CSMD3: variants seen among roughly 807,000 people sequenced by gnomAD.
CSMD3 encodes CUB and sushi domain-containing protein 3.
CSMD3 carries 177 observed loss-of-function variants against 435.2 expected under a neutral mutation model. That is an observed-to-expected ratio of 0.41 (90% CI 0.36 to 0.46). The LOEUF is 0.46. Ranked by LOEUF, CSMD3 falls within the 20% of genes least tolerant of loss-of-function variation. CSMD3 has a pLI of 0.34. For missense variants in CSMD3, 4,265 were observed against 4,504.6 expected, an observed-to-expected ratio of 0.95 and a Z score of 1.52; for synonymous variants, 1,656 against 1,520.5, an observed-to-expected ratio of 1.09 and a Z score of -2.07.
chr8:112,685,386 A>C lies in CSMD3; in HGVS notation c.2482+20T>G. The C allele has an allele frequency of 6.3e-7, 1 of 1,597,866 alleles. No homozygotes were observed. The highest frequency in any genetic ancestry group is 8.6e-7 in the Non-Finnish European group (1 of 1,165,980). On this transcript the variant is annotated intron_variant, in intron 15 of 70. Coordinates refer to ENST00000297405, the MANE Select transcript of CSMD3 (RefSeq NM_198123.2). ...TATAGAAATATATTATATGGGAAAA[A>C]AACAGAAACAGAAACTTACTGTTGT...
At chr8:112,624,624 A>G (rs1834337719) in intron 22 of CSMD3, among the ~76,000 whole-genome samples, 1 of 152,022 alleles carries the variant, frequency 6.6e-6, no homozygotes, top group East Asian at 1.9e-4. Flanking sequence ...ACTACCTACT[A>G]AGATTATTGC....
chr8:112,347,921 T>A (rs1825812564), intron 40 of CSMD3, among the ~76,000 whole-genome samples: 1 of 152,246 alleles, frequency 6.6e-6, no homozygotes, highest in South Asian at 2.1e-4. Flanking sequence ...CAATTTCAAG[T>A]CTTTGAGCTG....
At chr8:112,257,338 A>T (rs1029668704) in intron 61 of CSMD3, among the ~76,000 whole-genome samples, 1 of 152,188 alleles carries the variant, frequency 6.6e-6, no homozygotes, top group Non-Finnish European at 1.5e-5. Flanking sequence ...AGGAAGTCAA[A>T]TTGTCTCTGT....
intron 1 of CSMD3, among the ~76,000 whole-genome samples, chr8:113,388,902 T>C (rs1213047299): frequency 6.6e-6 from 1 of 151,562 alleles, no homozygotes; most frequent in Non-Finnish European, 1.5e-5. Context: ...TAAAGCACCA[T>C]GGGAATAATT....
chr8:113,288,891 G>A (rs1265302318), intron 2 of CSMD3, among the ~76,000 whole-genome samples: 3 of 151,752 alleles, frequency 2.0e-5, no homozygotes, highest in Non-Finnish European at 4.4e-5. Context: ...AGATTTAATT[G>A]GGATAATGCT....
At chr8:113,162,583 A>C (rs538243774) in intron 4 of CSMD3, among the ~76,000 whole-genome samples, 61 of 151,872 alleles carry the variant, frequency 4.0e-4, no homozygotes, top group African/African-American at 1.3e-3. Flanking sequence ...AAAAAAAAAA[A>C]AAAAAAAAAA....
rs180886359 is a variant in CSMD3 at position 112,303,006 on chromosome 8, A to G, written c.8267-1040T>C. ...CATTCCCTCATTCTTACCTGTAGGC[A>G]GTAACCCAACCTTATTCATCCTTTA... On this transcript the variant is annotated intron_variant, in intron 52 of 70. Coordinates refer to ENST00000297405, the MANE Select transcript of CSMD3 (RefSeq NM_198123.2). Among the ~76,000 whole-genome samples the G allele has an allele frequency of 2.6e-3, 397 of 152,208 alleles. 5 individuals are homozygous for G. The highest frequency in any genetic ancestry group is 8.9e-3 in the East Asian group (46 of 5,174).
chr8:112,370,767 A>G lies in CSMD3; in HGVS notation c.6136+9585T>C, dbSNP rs560916326. On this transcript the variant is annotated intron_variant, in intron 38 of 70. Coordinates refer to ENST00000297405, the MANE Select transcript of CSMD3 (RefSeq NM_198123.2). ...GACACATCATTTTCTAAAATGTTAT[A>G]TAGATTACTCCTTTATTATATTTTC... 6.0e-4 allele frequency among the ~76,000 whole-genome samples: 92 copies of G among 152,278 alleles called. 1 individual carries two copies. The highest frequency in any genetic ancestry group is 1.2e-3 in the Non-Finnish European group (84 of 68,020).
chr8:112,775,325 T>C (rs900002937), intron 13 of CSMD3, among the ~76,000 whole-genome samples: 8 of 151,826 alleles, frequency 5.3e-5, no homozygotes, highest in Non-Finnish European at 7.4e-5. Context: ...CTCAAGCATA[T>C]AGCATCTGTC....
chr8:113,380,414 C>T (rs2094410011), intron 1 of CSMD3, among the ~76,000 whole-genome samples: 1 of 150,556 alleles, frequency 6.6e-6, no homozygotes, highest in Admixed American at 6.6e-5. Flanking sequence ...AGAATATTTA[C>T]ATATAAAAGC....
chr8:112,287,003 G>A (rs2130631575), intron 58 of CSMD3, 61 bp downstream of exon 58: 3 of 1,367,440 alleles, frequency 2.2e-6, no homozygotes, highest in Middle Eastern at 3.6e-4. Context: ...GTACTCATCT[G>A]GATTTAGATA....
At chr8:113,055,212 G>A (rs1312022272) in intron 5 of CSMD3, among the ~76,000 whole-genome samples, 5 of 151,968 alleles carry the variant, frequency 3.3e-5, no homozygotes, top group African/African-American at 1.2e-4. Context: ...GTGCAGTGGC[G>A]TGATCTCGAC....
Position 112,265,402 on chromosome 8 carries a change from TTA to T in CSMD3, c.9688+7_9688+8del, listed in dbSNP as rs762611450. ...CCATTTTTAAATGTTGAAGAAATCA[TTA>T]TCATACCTCTACAAGTTGGCATTAC... is the stretch of plus-strand genomic sequence containing the variant. On this transcript the variant is annotated splice_region_variant and intron_variant, in intron 60 of 70. Transcript: ENST00000297405. 2 of 1,596,272 alleles carry T rather than the reference TTA, an allele frequency of 1.3e-6. No individual in the cohort carries two copies. The highest frequency in any genetic ancestry group is 1.7e-6 in the Non-Finnish European group (2 of 1,164,028).
intron 3 of CSMD3, among the ~76,000 whole-genome samples, chr8:113,277,384 T>C (rs1043280525): frequency 6.6e-6 from 1 of 151,960 alleles, no homozygotes; most frequent in East Asian, 1.9e-4. Context: ...GAAAATAATG[T>C]TCAAAACTGC....
intron 35 of CSMD3, among the ~76,000 whole-genome samples, chr8:112,393,133 G>A (rs1029954967): frequency 1.3e-5 from 2 of 151,964 alleles, no homozygotes; most frequent in African/African-American, 4.8e-5. Context: ...AAACAATGCC[G>A]CCTCAGCCTC....
intron 6 of CSMD3, among the ~76,000 whole-genome samples, chr8:113,005,082 G>A (rs1006605435): frequency 6.6e-6 from 1 of 151,688 alleles, no homozygotes; most frequent in African/African-American, 2.4e-5. Context: ...TATAGTGTGT[G>A]TGTCAAGTGA....
At chr8:112,513,674 C>CA (rs1823373903) in intron 28 of CSMD3, among the ~76,000 whole-genome samples, 1 of 152,060 alleles carries the variant, frequency 6.6e-6, no homozygotes, top group Admixed American at 6.6e-5. Context: ...ACAGGGTTGA[C>CA]AAAAACCTTC....
At chr8:112,904,545 G>A (rs1367640061) in intron 10 of CSMD3, among the ~76,000 whole-genome samples, 2 of 151,382 alleles carry the variant, frequency 1.3e-5, no homozygotes, top group Admixed American at 1.3e-4. Context: ...TGGGAGGGAA[G>A]CTGATTCATT....
intron 22 of CSMD3, among the ~76,000 whole-genome samples, chr8:112,632,681 T>C (rs1285509205): frequency 6.6e-6 from 1 of 152,042 alleles, no homozygotes; most frequent in African/African-American, 2.4e-5. Context: ...TTTAAAAAGA[T>C]AGCAACGTAA....
Sources: allele counts gnomAD v4.1 joint callset (sites outside exome capture counted in the v4.1 genomes callset), GRCh38; gene constraint gnomAD v4.1.1; transcripts MANE v1.5; gene names NCBI Gene and HGNC (gene_info 2026-07-23, HGNC 2026-07-21).